The following TASOR2 variants were observed in gnomAD, a reference collection of about 807,000 sequenced individuals.
TASOR2 encodes the protein protein TASOR 2.
In TASOR2, 84 loss-of-function variants were observed where a neutral mutation model predicts 199.5. The observed-to-expected ratio is 0.42, with a 90% CI of 0.35 to 0.50. The LOEUF is 0.50. Ranked by LOEUF, TASOR2 falls within the 20% of genes least tolerant of loss-of-function variation. The probability of loss-of-function intolerance (pLI) is 0.02; values close to 1 mark genes in which losing one functional copy is unlikely to be tolerated. For missense variants in TASOR2, 2,796 were observed against 2,835.9 expected, an observed-to-expected ratio of 0.99 and a Z score of 0.32; for synonymous variants, 1,103 against 1,046.6, an observed-to-expected ratio of 1.05 and a Z score of -1.04.
rs1237389208 is a variant in TASOR2, at chr10:5,699,733, T to G, written c.-287-13090T>G. The G allele has an allele frequency of 1.2e-6, 1 of 812,666 alleles. No individual in the cohort carries two copies. Among genetic ancestry groups the G allele is most frequent in the Non-Finnish European group, 1.5e-6 (1 of 672,592 alleles). 50.3% of individuals were successfully genotyped at this position (812,666 alleles called of 1,614,324 possible). ...AGATCATAAAAGTAGAAATGAAATT[T>G]TATGGTAAGTATATTTTACCACAAT... On this transcript the variant is annotated intron_variant, in intron 1 of 20. Coordinates refer to ENST00000328090, the Ensembl canonical transcript of TASOR2. This position sits in a 1 kb window ranked among gnomAD's most constrained non-coding sequence, Gnocchi z 4.1.
intron 11 of TASOR2, among the ~76,000 whole-genome samples, chr10:5,732,306 A>G (rs1834928975): frequency 6.6e-6 from 1 of 152,234 alleles, no homozygotes. Flanking sequence ...CCAAGGGGCC[A>G]CTCGGTTGTG....
chr10:5,707,896 C>T (rs1447387923), intron 1 of TASOR2, among the ~76,000 whole-genome samples: 1 of 152,136 alleles, frequency 6.6e-6, no homozygotes, highest in African/African-American at 2.4e-5. Context: ...TGTCTCAAAA[C>T]ACATTAGTGG....
exon 18 of TASOR2, chr10:5,758,918 A>T (rs757610636): frequency 3.7e-5 from 59 of 1,613,892 alleles, no homozygotes; most frequent in Middle Eastern, 1.6e-4. Context: ...AAATCCTGGA[A>T]AAACTAAATG....
chr10:5,730,427 A>G lies in TASOR2; in HGVS notation c.488-60A>G. ...TTTGAAATCTAAAGCTTTTTTTTCC[A>G]GAATGTTTTGTTTTTAAAAAATAAA... On this transcript the variant is annotated intron_variant, in intron 10 of 20. Transcript: ENST00000328090. The surrounding 1 kb of genome is among the most constrained non-coding windows in gnomAD (Gnocchi z 4.1). The G allele has an allele frequency of 7.6e-7, 1 of 1,323,362 alleles. No homozygotes were observed. Among genetic ancestry groups the G allele is most frequent in the Non-Finnish European group, 1.0e-6 (1 of 977,362 alleles). 82.0% of individuals were successfully genotyped at this position (1,323,362 alleles called of 1,614,324 possible).
intron 1 of TASOR2, among the ~76,000 whole-genome samples, chr10:5,691,148 G>C (rs941504568): frequency 6.7e-6 from 1 of 148,482 alleles, no homozygotes; most frequent in African/African-American, 2.5e-5. Context: ...CCGAGATCAC[G>C]CCACTGCACT....
At chr10:5,716,944 A>G (rs1456223920) in intron 2 of TASOR2, among the ~76,000 whole-genome samples, 2 of 145,470 alleles carry the variant, frequency 1.4e-5, no homozygotes, top group East Asian at 2.0e-4. Context: ...AAACATACAC[A>G]TTGCATTATT....
chr10:5,728,658 C>T (rs778589647), intron 10 of TASOR2, among the ~76,000 whole-genome samples: 9 of 151,956 alleles, frequency 5.9e-5, no homozygotes, highest in South Asian at 2.1e-4. Flanking sequence ...TGAAGCAGAA[C>T]GCTGTGCTTT....
exon 1 of TASOR2, chr10:5,684,902 C>T (rs1373271159): frequency 1.0e-5 from 4 of 397,936 alleles, no homozygotes; most frequent in Admixed American, 4.4e-5. Flanking sequence ...CCGGGCGTCC[C>T]GGGGTTGCCT....
chr10:5,729,580 C>T (rs189889578), intron 10 of TASOR2, among the ~76,000 whole-genome samples: 28 of 152,246 alleles, frequency 1.8e-4, no homozygotes, highest in Non-Finnish European at 2.8e-4. Flanking sequence ...CCACATTTTC[C>T]TTTTTACTGT....
intron 1 of TASOR2, among the ~76,000 whole-genome samples, chr10:5,693,339 G>A (rs890524247): frequency 6.6e-6 from 1 of 152,158 alleles, no homozygotes; most frequent in South Asian, 2.1e-4. Context: ...TTGACTTTGC[G>A]CTTCAAGTAT....
chr10:5,722,455 CAAAAAA>C lies in TASOR2; in HGVS notation c.147-1220_147-1215del, dbSNP rs1305426888. On this transcript the variant is annotated intron_variant, in intron 6 of 20. Transcript: ENST00000328090. This position sits in a 1 kb window ranked among gnomAD's most constrained non-coding sequence, Gnocchi z 4.0. ...TGGGCGACAGAGTGAAACCTTATCT[CAAAAAA>C]AGAAAAGAAAAAATTTCCTGTTTAA... 6.6e-6 allele frequency among the ~76,000 whole-genome samples: 1 copy of C among 151,042 alleles called. No homozygotes were observed. The highest frequency in any genetic ancestry group is 1.5e-5 in the Non-Finnish European group (1 of 67,748).
Position 5,762,539 on chromosome 10 carries a change from TA to T in TASOR2, c.7183del (p.Thr2395LeufsTer17). ...TTTTTTTTTTTTTAACAGACAAGCC[TA>T]CTATCCCCAGAGAAGTCTTTGAAAA... On this transcript the variant is annotated frameshift_variant, in exon 20 of 21. Coordinates refer to ENST00000328090, the Ensembl canonical transcript of TASOR2. LOFTEE classifies it high-confidence loss of function. The T allele has an allele frequency of 1.2e-6, 1 of 860,726 alleles. No individual in the cohort carries two copies. Among genetic ancestry groups the T allele is most frequent in the Non-Finnish European group, 1.7e-6 (1 of 583,252 alleles). The allele number at this position is 860,726 out of a possible 1,614,324, so 53.3% of individuals were successfully genotyped here.
At chr10:5,736,285 G>T (rs1468843299) in intron 12 of TASOR2, among the ~76,000 whole-genome samples, 2 of 152,052 alleles carry the variant, frequency 1.3e-5, no homozygotes. Flanking sequence ...AGGCGTGGTG[G>T]CACATGCCTG....
Position 5,701,175 on chromosome 10 carries a change from C to G in TASOR2, c.-287-11648C>G, listed in dbSNP as rs1299411693. On this transcript the variant is annotated intron_variant, in intron 1 of 20. Coordinates refer to ENST00000328090, the Ensembl canonical transcript of TASOR2. The surrounding 1 kb of genome is among the most constrained non-coding windows in gnomAD (Gnocchi z 4.9). ...TTTTGATTTGAATTTTGTATATGGTCAGATTGTTTTGTTCTTCTGCATGTA... is the reference window on the plus strand; with the variant it reads ...TTTTGATTTGAATTTTGTATATGGTGAGATTGTTTTGTTCTTCTGCATGTA... 6.6e-6 allele frequency among the ~76,000 whole-genome samples: 1 copy of G among 151,952 alleles called. No homozygotes were observed. Among genetic ancestry groups the G allele is most frequent in the Non-Finnish European group, 1.5e-5 (1 of 67,882 alleles).
At chr10:5,762,318 G>T (rs544225007) in intron 19 of TASOR2, among the ~76,000 whole-genome samples, 1 of 151,200 alleles carries the variant, frequency 6.6e-6, no homozygotes, top group African/African-American at 2.4e-5. Context: ...CATTTTTCAG[G>T]GATTTTTTTT....
rs987321262 is a variant in TASOR2, at chr10:5,698,170, T to C, written c.-288+12995T>C. Among the ~76,000 whole-genome samples the C allele has an allele frequency of 6.6e-6, 1 of 152,252 alleles. No homozygotes were observed. The highest frequency in any genetic ancestry group is 1.5e-5 in the Non-Finnish European group (1 of 68,040). On this transcript the variant is annotated intron_variant, in intron 1 of 20. Coordinates refer to ENST00000328090, the Ensembl canonical transcript of TASOR2. This position sits in a 1 kb window ranked among gnomAD's most constrained non-coding sequence, Gnocchi z 4.4. ...TTGCTAAGGTAAAAGTGATAACATA[T>C]CAGTTTCAAGCCTAAGCCTTAAGAG...
chr10:5,684,918 C>T (rs988051995), exon 1 of TASOR2: 2 of 397,882 alleles, frequency 5.0e-6, no homozygotes, highest in Non-Finnish European at 8.9e-6. Flanking sequence ...TGCCTCTTGC[C>T]CGTGACCCTG....
chr10:5,708,766 A>T (rs528623747), intron 1 of TASOR2, among the ~76,000 whole-genome samples: 1 of 151,104 alleles, frequency 6.6e-6, no homozygotes, highest in South Asian at 2.1e-4. Context: ...CAGGGGTGCA[A>T]TCTCAGCTCA....
rs1300277775 is a variant in TASOR2, at chr10:5,685,105, C to G, written c.-358C>G. On this transcript the variant is annotated 5_prime_UTR_variant, in exon 1 of 21. Transcript: ENST00000328090. The surrounding 1 kb of genome is among the most constrained non-coding windows in gnomAD (Gnocchi z 5.4). ...GGCCCGGGAGGACGCAGAGCACGGC[C>G]GGGAGAAGCATGGGAAGGAGGCCGA... 1.0e-5 allele frequency: 4 copies of G among 398,122 alleles called. No homozygotes were observed. Among genetic ancestry groups the G allele is most frequent in the Non-Finnish European group, 1.3e-5 (3 of 225,714 alleles). 24.7% of individuals were successfully genotyped at this position (398,122 alleles called of 1,614,324 possible).
Sources: allele counts gnomAD v4.1 joint callset (sites outside exome capture counted in the v4.1 genomes callset), GRCh38; gene constraint gnomAD v4.1.1; non-coding constraint Gnocchi (gnomAD v3.1); transcripts MANE v1.5; gene names NCBI Gene and HGNC (gene_info 2026-07-23, HGNC 2026-07-21).